Variants in LAG3 observed in about 807,000 individuals in gnomAD.
The protein encoded by LAG3 is lymphocyte activating 3, also known as lymphocyte activation gene 3 protein.
A neutral mutation model predicts 49.0 loss-of-function variants in LAG3; 29 were observed. The observed-to-expected ratio is 0.59, with a 90% CI of 0.44 to 0.81. The LOEUF is 0.81. LAG3 is among the 30% of genes least tolerant of loss of function. LAG3 has a pLI of 0.00. For missense variants in LAG3, 693 were observed against 695.2 expected (o/e 1.00, Z 0.04); for synonymous variants, 320 against 297.3 (o/e 1.08, Z -0.79).
At position 6,773,419 on chromosome 12, in the gene LAG3, C is replaced by G; in HGVS notation, c.206+80C>G. On this transcript the variant is annotated intron_variant, in intron 2 of 7. Transcript: ENST00000203629. The surrounding 1 kb of genome is among the most constrained non-coding windows in gnomAD (Gnocchi z 5.5). ...ACCCGTGCCGGTCCTCTGTCCCCTG[C>G]CCTGAGGTGTCACTCCCTCTGAAGC... 1 of 1,514,886 alleles carries G rather than the reference C, an allele frequency of 6.6e-7. No homozygotes were observed. Among genetic ancestry groups the G allele is most frequent in the Non-Finnish European group, 9.0e-7 (1 of 1,110,816 alleles). The allele number at this position is 1,514,886 out of a possible 1,614,324, so 93.8% of individuals were successfully genotyped here.
intron 5 of LAG3, among the ~76,000 whole-genome samples, chr12:6,776,582 G>A (rs185059480): frequency 2.0e-5 from 3 of 152,188 alleles, no homozygotes; most frequent in African/African-American, 7.2e-5. Flanking sequence ...TTCACCCTTT[G>A]TCTCCTCCCA....
At chr12:6,774,369 A>T (rs1369790207) in intron 3 of LAG3, among the ~76,000 whole-genome samples, 1 of 152,202 alleles carries the variant, frequency 6.6e-6, no homozygotes, top group Non-Finnish European at 1.5e-5. Context: ...GCTGATGCCA[A>T]GTAAACTCCA....
In LAG3 at chr12:6,773,880, G is replaced by A; in HGVS notation, c.390G>A (p.Gly130=). Residue 130 remains glycine (G), a synonymous_variant, in exon 3 of 8, where the codon GGG becomes GGA. Transcript: ENST00000203629. The surrounding 1 kb of genome is among the most constrained non-coding windows in gnomAD (Gnocchi z 5.5). ...TGGATGAGCGCGGCCGGCAGCGCGG[G>A]GACTTCTCGCTATGGCTGCGCCCAG... ...VQLDERGRQR[G]DFSLWLRPAR... is the part of the protein sequence containing the mutation. 1 of 1,400,954 alleles carries A rather than the reference G, an allele frequency of 7.1e-7. No individual in the cohort carries two copies. The highest frequency in any genetic ancestry group is 9.2e-7 in the Non-Finnish European group (1 of 1,086,130). The allele number at this position is 1,400,954 out of a possible 1,614,324, so 86.8% of individuals were successfully genotyped here.
In LAG3 at chr12:6,777,538, G is replaced by A. The variant is rs73256913; in HGVS notation, c.1300+32G>A. ...GGCCCCAGAATGCCAGGACCCAAAC[G>A]CCACAGCAATAATCTTTATCCTCCT... On this transcript the variant is annotated intron_variant, in intron 6 of 7. Coordinates refer to ENST00000203629, the MANE Select transcript of LAG3 (RefSeq NM_002286.6). 192 of 1,606,372 alleles carry A rather than the reference G, an allele frequency of 1.2e-4. No homozygotes were observed. In the African/African-American group the frequency reaches 2.3e-3, roughly 19 times the overall value.
chr12:6,778,149 G>C (rs1941928197), intron 7 of LAG3, 95 bp from the exon 8 acceptor site: 1 of 1,378,340 alleles, frequency 7.3e-7, no homozygotes, highest in Non-Finnish European at 1.0e-6. Flanking sequence ...GGGGCGCTGA[G>C]AAAAAATAGA....
rs928294013 is a variant in LAG3, at chr12:6,778,359, C to T, written c.1547C>T (p.Pro516Leu). The change falls in exon 8 of 8, where the codon CCC becomes CTC. Residue 516 changes from proline to leucine, a missense_variant. Physicochemically the swap from Pro to Leu is moderately conservative, Grantham distance 98. Transcript: ENST00000203629. ...CCGGAGCCGGAGCCGGAACCGGAGC[C>T]CGAGCCCGAGCCCGAGCCGGAGCAG... is the stretch of plus-strand genomic sequence containing the variant. ...PEPEPEPEPE[P>L]EPEPEPEQL The T allele has an allele frequency of 6.2e-7, 1 of 1,611,048 alleles. No individual in the cohort carries two copies. The highest frequency in any genetic ancestry group is 8.5e-7 in the Non-Finnish European group (1 of 1,179,362).
At chr12:6,777,159 C>T in intron 5 of LAG3, 105 bp from the exon 6 acceptor site, 1 of 1,377,854 alleles carries the variant, frequency 7.3e-7, no homozygotes, top group Non-Finnish European at 1.0e-6. Context: ...CCTCCCCTGG[C>T]CAGAACCCAA....
chr12:6,774,279 G>T (rs1005675990), intron 3 of LAG3, among the ~76,000 whole-genome samples: 1 of 152,242 alleles, frequency 6.6e-6, no homozygotes, highest in Non-Finnish European at 1.5e-5. Flanking sequence ...AGAGCATGGG[G>T]CTAAAGTGAT....
At position 6,774,720 on chromosome 12, in the gene LAG3, G is replaced by A. The variant is rs1361719963; in HGVS notation, c.637G>A (p.Val213Ile). 6.2e-7 allele frequency: 1 copy of A among 1,614,046 alleles called. No individual in the cohort carries two copies. The highest frequency in any genetic ancestry group is 1.3e-5 in the African/African-American group (1 of 74,916). The change falls in exon 4 of 8, where the codon GTC becomes ATC. Residue 213 changes from valine to isoleucine, a missense_variant. Transcript: ENST00000203629. The part of the protein sequence containing the change: ...FRNRGQGRVP[V>I]RESPHHHLAE... The stretch of plus-strand genomic sequence containing the variant: ...GAACCGGGGCCAGGGCCGAGTCCCT[G>A]TCCGGGAGTCCCCCCATCACCACTT...
Position 6,773,677 on chromosome 12 carries a change from C to A in LAG3, c.207-20C>A. ...TTCCTACCCCTGGAGCTTCTCAACT[C>A]CATTCTCTTTCCCGCCCAGTGGCCC... On this transcript the variant is annotated intron_variant, in intron 2 of 7. Coordinates refer to ENST00000203629, the MANE Select transcript of LAG3 (RefSeq NM_002286.6). The surrounding 1 kb of genome is among the most constrained non-coding windows in gnomAD (Gnocchi z 5.5). 1 of 1,366,150 alleles carries A rather than the reference C, an allele frequency of 7.3e-7. No individual in the cohort carries two copies. Among genetic ancestry groups the A allele is most frequent in the Non-Finnish European group, 9.4e-7 (1 of 1,066,830 alleles). The allele number at this position is 1,366,150 out of a possible 1,614,324, so 84.6% of individuals were successfully genotyped here.
At position 6,776,164 on chromosome 12, in the gene LAG3, G is replaced by A. The variant is rs186748814; in HGVS notation, c.1057+616G>A. Among the ~76,000 whole-genome samples the A allele has an allele frequency of 4.6e-5, 7 of 152,250 alleles. No individual in the cohort carries two copies. The East Asian group carries it at 1.2e-3, about 25-fold the overall frequency. ...TAATGTATAGAGATTGAATGAATAC[G>A]TGAACATGCTAATGGATAATACATC... is the stretch of plus-strand genomic sequence containing the variant. On this transcript the variant is annotated intron_variant, in intron 5 of 7. Transcript: ENST00000203629.
At chr12:6,775,157 G>C in intron 4 of LAG3, 116 bp from the exon 5 acceptor site, 2 of 1,167,226 alleles carry the variant, frequency 1.7e-6, no homozygotes, top group Admixed American at 4.3e-5. Flanking sequence ...CTGCTCCTTA[G>C]CACTCTTATG....
At chr12:6,776,209 G>A (rs1941906781) in intron 5 of LAG3, among the ~76,000 whole-genome samples, 1 of 152,136 alleles carries the variant, frequency 6.6e-6, no homozygotes, top group Admixed American at 6.5e-5. Context: ...CCAATCCTGA[G>A]TTTTCACTTG....
chr12:6,775,772 C>G (rs1941901055), intron 5 of LAG3: 1 of 564,142 alleles, frequency 1.8e-6, no homozygotes, highest in African/African-American at 1.9e-5. Flanking sequence ...CCACCGTTCT[C>G]TATGGGACTC....
Position 6,773,855 on chromosome 12 carries a change from TGGATGAGC to T in LAG3, c.367_374del (p.Asp123ArgfsTer70). On this transcript the variant is annotated frameshift_variant, in exon 3 of 8. Coordinates refer to ENST00000203629, the MANE Select transcript of LAG3 (RefSeq NM_002286.6). LOFTEE classifies it high-confidence loss of function. The surrounding 1 kb of genome is among the most constrained non-coding windows in gnomAD (Gnocchi z 5.5). ...CTGCCCCTGCAGCCCCGCGTCCAGC[TGGATGAGC>T]GCGGCCGGCAGCGCGGGGACTTCTC... 1.4e-6 allele frequency: 2 copies of T among 1,409,468 alleles called. No homozygotes were observed. Among genetic ancestry groups the T allele is most frequent in the Non-Finnish European group, 1.8e-6 (2 of 1,088,426 alleles). The allele number at this position is 1,409,468 out of a possible 1,614,324, so 87.3% of individuals were successfully genotyped here. A position where few individuals can be genotyped will look rare whatever the true frequency, so the allele number is the denominator to read the frequency against.
Position 6,775,287 on chromosome 12 carries a change from A to G in LAG3, c.796A>G (p.Thr266Ala). The G allele has an allele frequency of 5.0e-6, 8 of 1,613,242 alleles. No individual in the cohort carries two copies. The highest frequency in any genetic ancestry group is 6.8e-6 in the Non-Finnish European group (8 of 1,179,590). Residue 266 changes from threonine (T) to alanine (A), a missense_variant, in exon 5 of 8, where the codon ACT becomes GCT. Coordinates refer to ENST00000203629, the MANE Select transcript of LAG3 (RefSeq NM_002286.6). ...TTTCTCTTCAGGTCTGGAGCCCCCAACTCCCTTGACAGTGTACGCTGGAGC... is the reference window on the plus strand; with the variant it reads ...TTTCTCTTCAGGTCTGGAGCCCCCAGCTCCCTTGACAGTGTACGCTGGAGC... ...NLTVLGLEPP[T>A]PLTVYAGAGS...
chr12:6,777,799 C>T lies in LAG3; in HGVS notation c.1309C>T (p.Arg437Cys), dbSNP rs1434238981. The T allele has an allele frequency of 6.8e-6, 11 of 1,613,840 alleles. No individual in the cohort carries two copies. The East Asian group carries it at 8.9e-5, about 13-fold the overall frequency. ...FTELSSPGAQ[R>C]SGRAPGALPA... ...CTGTACTTTCTCCATAGGTGCCCAA[C>T]GCTCTGGGAGAGCCCCAGGTGCCCT... Residue 437 changes from arginine to cysteine, a missense_variant, in exon 7 of 8, where the codon CGC (arginine) becomes TGC (cysteine). Transcript: ENST00000203629.
chr12:6,778,041 G>A (rs1941927314), intron 7 of LAG3, 120 bp downstream of exon 7: 7 of 1,461,750 alleles, frequency 4.8e-6, no homozygotes, highest in Non-Finnish European at 6.6e-6. Flanking sequence ...TGCCCTCAGA[G>A]CCCCCCTTCT....
chr12:6,775,288 C>T lies in LAG3; in HGVS notation c.797C>T (p.Thr266Ile), dbSNP rs1941894145. ...TTCTCTTCAGGTCTGGAGCCCCCAA[C>T]TCCCTTGACAGTGTACGCTGGAGCA... ...NLTVLGLEPP[T>I]PLTVYAGAGS... is the part of the protein sequence containing the mutation. The change falls in exon 5 of 8, where the codon ACT becomes ATT. Residue 266 changes from threonine to isoleucine, a missense_variant. Thr to Ile is a moderately conservative substitution (Grantham distance 89). Transcript: ENST00000203629. 1.2e-6 allele frequency: 2 copies of T among 1,613,822 alleles called. No individual in the cohort carries two copies. The highest frequency in any genetic ancestry group is 1.7e-6 in the Non-Finnish European group (2 of 1,179,798).
Sources: allele counts gnomAD v4.1 joint callset (sites outside exome capture counted in the v4.1 genomes callset), GRCh38; gene constraint gnomAD v4.1.1; non-coding constraint Gnocchi (gnomAD v3.1); transcripts MANE v1.5; gene names NCBI Gene and HGNC (gene_info 2026-07-23, HGNC 2026-07-21).